CFAP46: variants seen among roughly 807,000 people sequenced by gnomAD.
CFAP46 encodes the protein cilia- and flagella-associated protein 46.
CFAP46 carries 245 observed loss-of-function variants against 325.7 expected under a neutral mutation model. The observed-to-expected ratio is 0.75, with a 90% confidence interval of 0.68 to 0.84. The LOEUF (loss-of-function observed/expected upper bound fraction) is 0.84. Ranked by LOEUF, CFAP46 falls within the 40% of genes least tolerant of loss-of-function variation. CFAP46 has a pLI of 0.00. For missense variants in CFAP46, 3,346 were observed against 3,543.0 expected (o/e 0.94, Z 1.41); for synonymous variants, 1,523 against 1,495.9 (o/e 1.02, Z -0.42).
intron 23 of CFAP46, among the ~76,000 whole-genome samples, 188 bp from the exon 24 acceptor site, chr10:132,899,309 A>T (rs1362486254): frequency 6.6e-6 from 1 of 151,944 alleles, no homozygotes; most frequent in African/African-American, 2.4e-5. Flanking sequence ...ACGAGGTCAG[A>T]CCCCCACCAA....
rs777970997 is a variant in CFAP46 at position 132,941,601 on chromosome 10, G to C, written c.296C>G (p.Ala99Gly). ...CRAQMCAPKS[A>G]ENLEEFENCV... is the part of the protein sequence containing the mutation. ...CAGGACGCCTCTCACCAGGTTTTCT[G>C]CCGACTTCGGGGCACACATCTGGGC... is the stretch of plus-strand genomic sequence containing the variant. The change falls in exon 3 of 58, where the codon GCA becomes GGA. Residue 99 changes from alanine to glycine, a missense_variant. Physicochemically the swap from Ala to Gly is moderately conservative, Grantham distance 60. Coordinates refer to ENST00000368586, the MANE Select transcript of CFAP46 (RefSeq NM_001200049.3). 1 of 1,612,696 alleles carries C rather than the reference G, an allele frequency of 6.2e-7. No homozygotes were observed. Among genetic ancestry groups the C allele is most frequent in the East Asian group, 2.2e-5 (1 of 44,830 alleles).
At chr10:132,831,462 A>G (rs929712638) in intron 50 of CFAP46, among the ~76,000 whole-genome samples, 1 of 152,096 alleles carries the variant, frequency 6.6e-6, no homozygotes, top group African/African-American at 2.4e-5. Context: ...CATCCTCTTC[A>G]TGAATTAGCC....
chr10:132,910,877 C>T (rs1440223364), intron 19 of CFAP46, among the ~76,000 whole-genome samples: 2 of 150,952 alleles, frequency 1.3e-5, no homozygotes, highest in African/African-American at 4.9e-5. Context: ...AGCACTCACT[C>T]CCCTGTTCAC....
chr10:132,905,526 T>C (rs1849444917), intron 22 of CFAP46, among the ~76,000 whole-genome samples: 1 of 151,794 alleles, frequency 6.6e-6, no homozygotes, highest in African/African-American at 2.4e-5. Flanking sequence ...AAATGGTGTA[T>C]GGGAAGTACA....
intron 22 of CFAP46, among the ~76,000 whole-genome samples, chr10:132,901,547 C>G (rs1484188911): frequency 6.6e-6 from 1 of 152,228 alleles, no homozygotes; most frequent in Non-Finnish European, 1.5e-5. Context: ...CGAGGGCCCT[C>G]GGAATCGCTG....
Position 132,899,567 on chromosome 10 carries a change from C to G in CFAP46, c.3024G>C (p.Leu1008=). 6.5e-7 allele frequency: 1 copy of G among 1,549,474 alleles called. No homozygotes were observed. The highest frequency in any genetic ancestry group is 1.4e-5 in the African/African-American group (1 of 73,134). Residue 1008 remains leucine (L), a synonymous_variant, in exon 23 of 58, where the codon CTG becomes CTC. Coordinates refer to ENST00000368586, the MANE Select transcript of CFAP46 (RefSeq NM_001200049.3). Reference sequence around the variant, plus strand: ...TCTCCGTGAAGGCCTTGGCTGCCACCAGTCGCAGCTGCTTCCGGCCCTTCA... The same window carrying G: ...TCTCCGTGAAGGCCTTGGCTGCCACGAGTCGCAGCTGCTTCCGGCCCTTCA... ...ENLKGRKQLR[L]VAAKAFTESA...
chr10:132,824,178 G>A (rs1203116113), intron 50 of CFAP46, among the ~76,000 whole-genome samples: 9 of 128,352 alleles, frequency 7.0e-5, no homozygotes, highest in South Asian at 2.8e-4. Context: ...CTGTGTGAGC[G>A]CTGATGTGTG....
chr10:132,832,488 C>T lies in CFAP46; in HGVS notation c.7117+870G>A, dbSNP rs556765438. On this transcript the variant is annotated intron_variant, in intron 50 of 57. Coordinates refer to ENST00000368586, the MANE Select transcript of CFAP46 (RefSeq NM_001200049.3). The surrounding 1 kb of genome is among the most constrained non-coding windows in gnomAD (Gnocchi z 4.1). ...CAAACCCCCTTCGAGGCCCCCCGTC[C>T]TGCGCGGACTGCTCGTCAATGTTTG... 7.7e-6 allele frequency: 2 copies of T among 258,950 alleles called. No individual in the cohort carries two copies. The highest frequency in any genetic ancestry group is 5.1e-5 in the Admixed American group (1 of 19,766). The allele number at this position is 258,950 out of a possible 1,614,324, so 16.0% of individuals were successfully genotyped here.
rs180809167 is a variant in CFAP46, at chr10:132,827,074, C to T, written c.7117+6284G>A. ...CCATGAGCCTCGTGTCTGTGCCAAC[C>T]GACTCCAGCTCCGGGCTCCCTGCCT... On this transcript the variant is annotated intron_variant, in intron 50 of 57. Transcript: ENST00000368586. The surrounding 1 kb of genome is among the most constrained non-coding windows in gnomAD (Gnocchi z 5.7). Among the ~76,000 whole-genome samples the T allele has an allele frequency of 3.9e-5, 6 of 152,242 alleles. No individual in the cohort carries two copies. The highest frequency in any genetic ancestry group is 2.6e-4 in the Admixed American group (4 of 15,308).
chr10:132,822,463 GTGC>G (rs1195815180), intron 50 of CFAP46, among the ~76,000 whole-genome samples: 6 of 142,374 alleles, frequency 4.2e-5, no homozygotes, highest in Non-Finnish European at 6.1e-5. Context: ...TGCTGTGTGA[GTGC>G]TGATGTGTGC....
At chr10:132,897,389 T>C (rs1849333252) in intron 24 of CFAP46, among the ~76,000 whole-genome samples, 1 of 152,262 alleles carries the variant, frequency 6.6e-6, no homozygotes. Flanking sequence ...GGCTCTGTCC[T>C]GAGGCTCTCT....
intron 22 of CFAP46, among the ~76,000 whole-genome samples, chr10:132,900,706 GT>G (rs994414346): frequency 5.3e-5 from 8 of 152,264 alleles, no homozygotes; most frequent in Non-Finnish European, 1.2e-4. Flanking sequence ...AGGAAGGAGA[GT>G]TCAGTTTCCT....
intron 41 of CFAP46, among the ~76,000 whole-genome samples, chr10:132,849,014 GACA>G (rs1157504721): frequency 6.6e-6 from 1 of 152,216 alleles, no homozygotes; most frequent in Non-Finnish European, 1.5e-5. Flanking sequence ...CAAGAAGCTG[GACA>G]ACAACATAAA....
chr10:132,811,084 G>T, intron 55 of CFAP46, 53 bp from the exon 56 acceptor site: 1 of 1,484,800 alleles, frequency 6.7e-7, no homozygotes, highest in Non-Finnish European at 9.1e-7. Flanking sequence ...TGGGGAGTGG[G>T]GATGGGGTGT....
intron 25 of CFAP46, among the ~76,000 whole-genome samples, chr10:132,892,094 A>G (rs1451617450): frequency 1.3e-5 from 2 of 152,228 alleles, no homozygotes; most frequent in Admixed American, 6.5e-5. Context: ...TTTCATGGAC[A>G]GTCAGAAGGT....
At chr10:132,825,030 T>C (rs569961967) in intron 50 of CFAP46, among the ~76,000 whole-genome samples, 1 of 139,752 alleles carries the variant, frequency 7.2e-6, no homozygotes, top group South Asian at 2.7e-4. Context: ...CTGTGTGCTG[T>C]GTGTGTGGTG....
In CFAP46 at chr10:132,939,073, C is replaced by T. The variant is rs926941497; in HGVS notation, c.372-320G>A. Among the ~76,000 whole-genome samples, 3 of 152,168 alleles carry T rather than the reference C, an allele frequency of 2.0e-5. No homozygotes were observed. Among genetic ancestry groups the T allele is most frequent in the Admixed American group, 6.5e-5 (1 of 15,276 alleles). On this transcript the variant is annotated intron_variant, in intron 4 of 57. Transcript: ENST00000368586. This position sits in a 1 kb window ranked among gnomAD's most constrained non-coding sequence, Gnocchi z 4.6. ...TTCATCAATTATTCCACAAACTGAT[C>T]GGCCCCCTCCCATGAAAATACACCA...
At chr10:132,922,383 C>T (rs1849737466) in intron 12 of CFAP46, 97 bp downstream of exon 12, 1 of 1,452,666 alleles carries the variant, frequency 6.9e-7, no homozygotes, top group African/African-American at 1.4e-5. Context: ...TTCAGGCAGC[C>T]CTGGGCGGCT....
chr10:132,862,076 G>T (rs56279308), intron 35 of CFAP46, among the ~76,000 whole-genome samples: 3,815 of 152,370 alleles, frequency 0.025, 77 homozygotes, highest in Non-Finnish European at 0.038. Context: ...ACCGCCAGAC[G>T]GCGTAGGCAG....
Sources: allele counts gnomAD v4.1 joint callset (sites outside exome capture counted in the v4.1 genomes callset), GRCh38; gene constraint gnomAD v4.1.1; non-coding constraint Gnocchi (gnomAD v3.1); transcripts MANE v1.5; gene names NCBI Gene and HGNC (gene_info 2026-07-23, HGNC 2026-07-21).